PRR7: variants seen among roughly 807,000 people sequenced by gnomAD.
PRR7 encodes the protein proline rich 7, synaptic.
Under a neutral mutation model 18.5 loss-of-function variants are expected in PRR7, and 8 were observed. The observed-to-expected ratio is 0.43, with a 90% CI of 0.25 to 0.78. The LOEUF (loss-of-function observed/expected upper bound fraction) is 0.78, where lower values mean the gene tolerates loss of function less well. Ranked by LOEUF, PRR7 falls within the 30% of genes least tolerant of loss-of-function variation. The pLI, the probability that PRR7 is intolerant of heterozygous loss-of-function variation, is 0.22. For synonymous variants in PRR7, 221 were observed against 187.7 expected (o/e 1.18, Z -1.45); for missense variants, 396 against 403.1 (o/e 0.98, Z 0.15).
intron 1 of PRR7, among the ~76,000 whole-genome samples, chr5:177,452,137 AAAGT>A (rs1384126230): frequency 6.6e-6 from 1 of 152,248 alleles, no homozygotes; most frequent in Admixed American, 6.5e-5. Context: ...AACCTTCAAG[AAAGT>A]AAGAAAAGAG....
intron 1 of PRR7, among the ~76,000 whole-genome samples, chr5:177,448,833 A>T (rs1351928645): frequency 1.3e-5 from 2 of 152,238 alleles, no homozygotes; most frequent in East Asian, 3.8e-4. Context: ...TCCTCGGCTC[A>T]TGGGCTCCAT....
At position 177,455,145 on chromosome 5, in the gene PRR7, G is replaced by T. The variant is rs367632470; in HGVS notation, c.78G>T (p.Leu26=). The T allele has an allele frequency of 1.3e-6, 2 of 1,570,132 alleles. No individual in the cohort carries two copies. The highest frequency in any genetic ancestry group is 1.7e-6 in the Non-Finnish European group (2 of 1,162,162). ...GFWLIWGLIV[L]LCCFCSFLRR... ...GGCTCATCTGGGGTCTCATCGTCCT[G>T]CTCTGCTGCTTCTGCAGCTTCCTGC... The change falls in exon 3 of 4, where the codon CTG becomes CTT. Residue 26 remains leucine (L), a synonymous_variant. Transcript: ENST00000323249. The surrounding 1 kb of genome is among the most constrained non-coding windows in gnomAD (Gnocchi z 6.9).
chr5:177,449,966 C>A lies in PRR7; in HGVS notation c.-325+3006C>A, dbSNP rs570633254. Among the ~76,000 whole-genome samples, 2 of 152,112 alleles carry A rather than the reference C, an allele frequency of 1.3e-5. No homozygotes were observed. Among genetic ancestry groups the A allele is most frequent in the South Asian group, 2.1e-4 (1 of 4,822 alleles). The stretch of plus-strand genomic sequence containing the variant: ...ATGTGGGAAGGGTGTAAGGGTGTCA[C>A]CAGTGGCTCCCTGAAATGCCCTTGC... On this transcript the variant is annotated intron_variant, in intron 1 of 3. Transcript: ENST00000323249. This position sits in a 1 kb window ranked among gnomAD's most constrained non-coding sequence, Gnocchi z 4.2.
Position 177,456,116 on chromosome 5 carries a change from G to A in PRR7, c.820G>A (p.Val274Ile). The A allele has an allele frequency of 7.1e-7, 1 of 1,406,100 alleles. No individual in the cohort carries two copies. Among genetic ancestry groups the A allele is most frequent in the Non-Finnish European group, 9.2e-7 (1 of 1,084,526 alleles). The allele number at this position is 1,406,100 out of a possible 1,614,324, so 87.1% of individuals were successfully genotyped here. A position where few individuals can be genotyped will look rare whatever the true frequency, so the allele number is the denominator to read the frequency against. The change falls in exon 4 of 4, where the codon GTA becomes ATA. Residue 274 changes from valine (V) to isoleucine (I), a missense_variant. Around this residue, in one of 2 missense-constraint regions of PRR7, gnomAD observed 383 missense variants for 372.6 expected, o/e 1.03. Transcript: ENST00000323249. ...CCCCTTGTTCGGGAGGACTACAGCC[G>A]TATAGAGGGGCGCCCGGCGCCCCGG... The part of the protein sequence containing the change: ...SIPLFGRTTA[V>I]
Position 177,450,721 on chromosome 5 carries a change from G to C in PRR7, c.-324-3235G>C, listed in dbSNP as rs1435433701. On this transcript the variant is annotated intron_variant, in intron 1 of 3. Transcript: ENST00000323249. This position sits in a 1 kb window ranked among gnomAD's most constrained non-coding sequence, Gnocchi z 6.6. ...CAGAGGCCTTGGCAGGAGCTCATTC[G>C]GGAGGCCAGCACCTAGGTCAGTGGT... Among the ~76,000 whole-genome samples the C allele has an allele frequency of 6.6e-6, 1 of 152,146 alleles. No homozygotes were observed. Among genetic ancestry groups the C allele is most frequent in the Non-Finnish European group, 1.5e-5 (1 of 68,020 alleles).
At position 177,454,785 on chromosome 5, in the gene PRR7, G is replaced by T. The variant is rs548168394; in HGVS notation, c.-239-44G>T. ...GCGGGCGGGGGCCGGGAAGTCGTTG[G>T]GGGCCGCGGCGCGCCTTCACTGCGC... On this transcript the variant is annotated intron_variant, in intron 2 of 3. Transcript: ENST00000323249. The surrounding 1 kb of genome is among the most constrained non-coding windows in gnomAD (Gnocchi z 4.7). 23 of 208,492 alleles carry T rather than the reference G, an allele frequency of 1.1e-4. 1 individual carries two copies. The Admixed American group carries it at 1.4e-3, about 12-fold the overall frequency. The allele number at this position is 208,492 out of a possible 1,614,324, so 12.9% of individuals were successfully genotyped here. A position where few individuals can be genotyped will look rare whatever the true frequency, so the allele number is the denominator to read the frequency against.
intron 1 of PRR7, chr5:177,448,370 C>T (rs1755999067): frequency 6.6e-6 from 1 of 152,232 alleles, no homozygotes; most frequent in African/African-American, 2.4e-5. Context: ...GCTCTGCATC[C>T]ATTATCTCCT....
rs978022626 is a variant in PRR7, at chr5:177,454,676, A to G, written c.-239-153A>G. On this transcript the variant is annotated intron_variant, in intron 2 of 3. Coordinates refer to ENST00000323249, the MANE Select transcript of PRR7 (RefSeq NM_030567.5). The surrounding 1 kb of genome is among the most constrained non-coding windows in gnomAD (Gnocchi z 4.7). Reference sequence around the variant, plus strand: ...CCTACCGGGGAAACCTCGAGGCGTGACGTCACCCTCCTCGGTGACGTCACC... The same window carrying G: ...CCTACCGGGGAAACCTCGAGGCGTGGCGTCACCCTCCTCGGTGACGTCACC... Among the ~76,000 whole-genome samples, 26 of 147,408 alleles carry G rather than the reference A, an allele frequency of 1.8e-4. No homozygotes were observed. The East Asian group carries it at 2.1e-3, about 12-fold the overall frequency.
chr5:177,454,771 C>G lies in PRR7; in HGVS notation c.-239-58C>G, dbSNP rs1756323277. The G allele has an allele frequency of 5.6e-6, 1 of 178,964 alleles. No homozygotes were observed. The highest frequency in any genetic ancestry group is 2.4e-5 in the African/African-American group (1 of 42,202). 11.1% of individuals were successfully genotyped at this position (178,964 alleles called of 1,614,324 possible). On this transcript the variant is annotated intron_variant, in intron 2 of 3. Transcript: ENST00000323249. The surrounding 1 kb of genome is among the most constrained non-coding windows in gnomAD (Gnocchi z 4.7). ...GGACTGCGCAGGGCGCGGGCGGGGG[C>G]CGGGAAGTCGTTGGGGGCCGCGGCG...
Position 177,454,564 on chromosome 5 carries a change from G to C in PRR7, c.-239-265G>C, listed in dbSNP as rs908931441. On this transcript the variant is annotated intron_variant, in intron 2 of 3. Coordinates refer to ENST00000323249, the MANE Select transcript of PRR7 (RefSeq NM_030567.5). The surrounding 1 kb of genome is among the most constrained non-coding windows in gnomAD (Gnocchi z 4.7). ...TCGTTCGGACTCAGAGCTGGAGTCC[G>C]TCCTTCGCGCGCCCCCTGCTGGCCC... 6.6e-6 allele frequency among the ~76,000 whole-genome samples: 1 copy of C among 152,144 alleles called. No homozygotes were observed. The highest frequency in any genetic ancestry group is 2.1e-4 in the South Asian group (1 of 4,832).
Position 177,455,524 on chromosome 5 carries a change from C to G in PRR7, c.427+30C>G. ...GTACCGACCTCCGCCAGGGGGCGAT[C>G]CGGGCCGCCGGAAGTGGGCGGGCGT... On this transcript the variant is annotated intron_variant, in intron 3 of 3. Coordinates refer to ENST00000323249, the MANE Select transcript of PRR7 (RefSeq NM_030567.5). This position sits in a 1 kb window ranked among gnomAD's most constrained non-coding sequence, Gnocchi z 6.9. 4.1e-6 allele frequency: 6 copies of G among 1,450,196 alleles called. No homozygotes were observed. Among genetic ancestry groups the G allele is most frequent in the Non-Finnish European group, 4.5e-6 (5 of 1,112,192 alleles). 89.8% of individuals were successfully genotyped at this position (1,450,196 alleles called of 1,614,324 possible).
intron 1 of PRR7, among the ~76,000 whole-genome samples, chr5:177,452,069 G>A (rs187856897): frequency 3.7e-4 from 56 of 152,332 alleles, no homozygotes; most frequent in Admixed American, 1.2e-3. Context: ...CATGCAGAGC[G>A]ATATGGTTCA....
At chr5:177,451,030 G>A (rs1756148636) in intron 1 of PRR7, among the ~76,000 whole-genome samples, 1 of 152,218 alleles carries the variant, frequency 6.6e-6, no homozygotes, top group East Asian at 1.9e-4. Flanking sequence ...TGGGGGCCAG[G>A]GGAGAGACGA....
At chr5:177,447,264 T>C (rs1490600110) in intron 1 of PRR7, among the ~76,000 whole-genome samples, 1 of 149,712 alleles carries the variant, frequency 6.7e-6, no homozygotes, top group African/African-American at 2.5e-5. Context: ...TCCCCCTCCC[T>C]CCCCCCTCCC....
At position 177,454,207 on chromosome 5, in the gene PRR7, G is replaced by A. The variant is rs1470480929; in HGVS notation, c.-240+167G>A. Among the ~76,000 whole-genome samples the A allele has an allele frequency of 6.6e-6, 1 of 152,250 alleles. No homozygotes were observed. The highest frequency in any genetic ancestry group is 6.5e-5 in the Admixed American group (1 of 15,290). On this transcript the variant is annotated intron_variant, in intron 2 of 3. Coordinates refer to ENST00000323249, the MANE Select transcript of PRR7 (RefSeq NM_030567.5). This position sits in a 1 kb window ranked among gnomAD's most constrained non-coding sequence, Gnocchi z 4.7. ...AGGCAGGGCGCCTGGAGGAAAGGAA[G>A]AGAGTGTGGCCCACGCCCGGCGCGG...
intron 1 of PRR7, among the ~76,000 whole-genome samples, chr5:177,452,922 G>A (rs1189340578): frequency 6.6e-6 from 1 of 152,204 alleles, no homozygotes; most frequent in Non-Finnish European, 1.5e-5. Flanking sequence ...GGCATGCCAG[G>A]GCCCTGGTGG....
Position 177,456,244 on chromosome 5 carries a change from A to T in PRR7, c.*123A>T. ...GGAGGGATTTCTTATCCCGTTTGTT[A>T]CATTTTGAGGATAATAAAGGTGTGT... On this transcript the variant is annotated 3_prime_UTR_variant, in exon 4 of 4. Coordinates refer to ENST00000323249, the MANE Select transcript of PRR7 (RefSeq NM_030567.5). 1.6e-6 allele frequency: 2 copies of T among 1,217,292 alleles called. No homozygotes were observed. Among genetic ancestry groups the T allele is most frequent in the Non-Finnish European group, 2.2e-6 (2 of 920,790 alleles). The allele number at this position is 1,217,292 out of a possible 1,614,324, so 75.4% of individuals were successfully genotyped here. A position where few individuals can be genotyped will look rare whatever the true frequency, so the allele number is the denominator to read the frequency against.
chr5:177,455,818 C>T lies in PRR7; in HGVS notation c.522C>T (p.Arg174=). Residue 174 remains arginine (R), a synonymous_variant, in exon 4 of 4, where the codon CGC becomes CGT. Transcript: ENST00000323249. The surrounding 1 kb of genome is among the most constrained non-coding windows in gnomAD (Gnocchi z 6.9). ...ATAGCGAGGTGCTCACGGACACGCG[C>T]GGCCTCTACCGCAAGATCGTCACGC... ...PPYSEVLTDT[R]GLYRKIVTPF... is the part of the protein sequence containing the mutation. 2 of 1,612,110 alleles carry T rather than the reference C, an allele frequency of 1.2e-6. No individual in the cohort carries two copies. Among genetic ancestry groups the T allele is most frequent in the Non-Finnish European group, 1.7e-6 (2 of 1,179,690 alleles).
In PRR7 at chr5:177,450,020, C is replaced by T. The variant is rs1003239010; in HGVS notation, c.-325+3060C>T. Among the ~76,000 whole-genome samples, 1 of 152,114 alleles carries T rather than the reference C, an allele frequency of 6.6e-6. No homozygotes were observed. Among genetic ancestry groups the T allele is most frequent in the African/African-American group, 2.4e-5 (1 of 41,412 alleles). ...CGGGACCGAGGACTTTGTCATCACC[C>T]GGGCTTCACACCACCTGGCTATGGA... On this transcript the variant is annotated intron_variant, in intron 1 of 3. Coordinates refer to ENST00000323249, the MANE Select transcript of PRR7 (RefSeq NM_030567.5). The surrounding 1 kb of genome is among the most constrained non-coding windows in gnomAD (Gnocchi z 6.6).
Sources: gnomAD v4.1 joint callset for allele counts (sites outside exome capture counted in the v4.1 genomes callset) on GRCh38, gnomAD v4.1.1 for gene constraint, gnomAD v4.1.1 regional missense constraint, Gnocchi (gnomAD v3.1) non-coding constraint, MANE v1.5 for transcripts, NCBI Gene and HGNC (gene_info 2026-07-23, HGNC 2026-07-21) for gene names.